The following CACNG5 variants were observed in gnomAD, a reference collection of about 807,000 sequenced individuals.
CACNG5 encodes voltage-dependent calcium channel gamma-5 subunit.
In CACNG5, 18 loss-of-function variants were observed where a neutral mutation model predicts 24.8. The observed-to-expected ratio is 0.73, with a 90% CI of 0.50 to 1.08. The LOEUF (loss-of-function observed/expected upper bound fraction) is 1.08. CACNG5 is among the 50% of genes least tolerant of loss of function. The pLI is 0.00. For missense variants in CACNG5, 349 were observed against 367.9 expected, an observed-to-expected ratio of 0.95 and a Z score of 0.42; for synonymous variants, 157 against 149.1, an observed-to-expected ratio of 1.05 and a Z score of -0.39.
Position 66,884,635 on chromosome 17 carries a change from G to A in CACNG5, c.544G>A (p.Ala182Thr), listed in dbSNP as rs187075595. The change falls in exon 5 of 6, where the codon GCC (alanine) becomes ACC (threonine). Residue 182 changes from alanine to threonine, a missense_variant. By Grantham distance (58) the Ala-to-Thr change is moderately conservative. Transcript: ENST00000533854. ...CAAGTATGGGTGGTCGTTTGCCTTC[G>A]CCGCCATCTCCTTCCTTTTAACGGA... ...NYKYGWSFAF[A>T]AISFLLTESA... is the part of the protein sequence containing the mutation. 16 of 1,614,006 alleles carry A rather than the reference G, an allele frequency of 9.9e-6. No homozygotes were observed. Among genetic ancestry groups the A allele is most frequent in the Non-Finnish European group, 1.2e-5 (14 of 1,180,030 alleles).
In CACNG5 at chr17:66,842,598, C is replaced by G. The variant is rs542621417; in HGVS notation, c.-104+7348C>G. On this transcript the variant is annotated intron_variant, in intron 1 of 5. Transcript: ENST00000533854. ...GGAACTCAAGGATGGGCCTCACAGT[C>G]TGATTTCATGAGAACCCGGAATCTG... Among the ~76,000 whole-genome samples, 5 of 152,284 alleles carry G rather than the reference C, an allele frequency of 3.3e-5. No homozygotes were observed. In the South Asian group the frequency reaches 6.2e-4, roughly 19 times the overall value.
intron 1 of CACNG5, among the ~76,000 whole-genome samples, chr17:66,866,312 T>G (rs1976929408): frequency 6.6e-6 from 1 of 152,200 alleles, no homozygotes. Flanking sequence ...TCTTGCTCTG[T>G]CGCCCAGGCT....
At chr17:66,838,201 G>C (rs1157261830) in intron 1 of CACNG5, among the ~76,000 whole-genome samples, 2 of 151,758 alleles carry the variant, frequency 1.3e-5, no homozygotes, top group Non-Finnish European at 2.9e-5. Context: ...CTGCCTGGCT[G>C]TGCCTCCCTG....
intron 1 of CACNG5, among the ~76,000 whole-genome samples, chr17:66,857,135 C>T (rs886808124): frequency 2.4e-5 from 3 of 127,368 alleles, no homozygotes. Flanking sequence ...AGGGACACTA[C>T]AGCCTCCTCC....
At position 66,887,856 on chromosome 17, in the gene CACNG5, A is replaced by C. The variant is rs1977284667; in HGVS notation, c.*2616A>C. ...TCATTACCTGTTTGGGGGTGGGTGC[A>C]TGTGTCAATAATCACATCACCATCA... On this transcript the variant is annotated 3_prime_UTR_variant, in exon 6 of 6. Coordinates refer to ENST00000533854, the MANE Select transcript of CACNG5 (RefSeq NM_145811.3). Among the ~76,000 whole-genome samples, 1 of 152,176 alleles carries C rather than the reference A, an allele frequency of 6.6e-6. No homozygotes were observed.
At chr17:66,860,346 A>G (rs1976836640) in intron 1 of CACNG5, among the ~76,000 whole-genome samples, 1 of 152,316 alleles carries the variant, frequency 6.6e-6, no homozygotes, top group East Asian at 1.9e-4. Context: ...GACACATCAT[A>G]GTCAAAATGT....
intron 1 of CACNG5, among the ~76,000 whole-genome samples, chr17:66,846,263 T>C (rs1474073921): frequency 6.6e-6 from 1 of 152,230 alleles, no homozygotes; most frequent in Non-Finnish European, 1.5e-5. Flanking sequence ...ACATAAAATC[T>C]ACCATGTTAA....
At chr17:66,843,321 G>T (rs938257142) in intron 1 of CACNG5, among the ~76,000 whole-genome samples, 10 of 152,308 alleles carry the variant, frequency 6.6e-5, no homozygotes, top group Non-Finnish European at 1.5e-4. Flanking sequence ...GAGGGGAAAA[G>T]CTTGGAAGGC....
At chr17:66,836,699 C>T (rs906830124) in intron 1 of CACNG5, among the ~76,000 whole-genome samples, 1 of 152,216 alleles carries the variant, frequency 6.6e-6, no homozygotes, top group African/African-American at 2.4e-5. Context: ...ACCTCCCCAC[C>T]CCCAAACCTC....
intron 1 of CACNG5, among the ~76,000 whole-genome samples, chr17:66,846,685 G>T (rs1430506885): frequency 3.9e-5 from 6 of 152,178 alleles, no homozygotes; most frequent in Non-Finnish European, 8.8e-5. Flanking sequence ...GGAAATTTGG[G>T]TTATTTCCGT....
intron 1 of CACNG5, among the ~76,000 whole-genome samples, chr17:66,871,272 G>T (rs1037322865): frequency 3.0e-4 from 46 of 152,262 alleles, no homozygotes; most frequent in Non-Finnish European, 5.9e-5. Flanking sequence ...AGCAGCTCTT[G>T]TCACTGGCTC....
At chr17:66,873,945 T>C (rs977039692) in intron 1 of CACNG5, among the ~76,000 whole-genome samples, 5 of 152,168 alleles carry the variant, frequency 3.3e-5, no homozygotes, top group Admixed American at 1.3e-4. Context: ...TGTTTTTTTT[T>C]TTTTTTTCCT....
At chr17:66,848,999 G>A (rs1312947459) in intron 1 of CACNG5, among the ~76,000 whole-genome samples, 3 of 152,144 alleles carry the variant, frequency 2.0e-5, no homozygotes, top group Non-Finnish European at 4.4e-5. Context: ...GGCTGCCGCC[G>A]TGTGCATTGA....
intron 1 of CACNG5, among the ~76,000 whole-genome samples, chr17:66,855,487 G>C (rs1976762639): frequency 1.3e-5 from 2 of 152,200 alleles, no homozygotes; most frequent in Non-Finnish European, 2.9e-5. Flanking sequence ...ATTTTAAAAA[G>C]AGGAATGATC....
In CACNG5 at chr17:66,892,458, T is replaced by C. The variant is rs999897183; in HGVS notation, c.*7218T>C. On this transcript the variant is annotated 3_prime_UTR_variant, in exon 6 of 6. Transcript: ENST00000533854. ...TGATAAATCCTTAGAAATGATCTCATAGTCTCGGGCTCTGACTATCAAGTT... is the reference window on the plus strand; with the variant it reads ...TGATAAATCCTTAGAAATGATCTCACAGTCTCGGGCTCTGACTATCAAGTT... Among the ~76,000 whole-genome samples the C allele has an allele frequency of 6.6e-6, 1 of 152,248 alleles. No homozygotes were observed. The highest frequency in any genetic ancestry group is 1.5e-5 in the Non-Finnish European group (1 of 68,040).
chr17:66,839,906 C>G (rs896112247), intron 1 of CACNG5, among the ~76,000 whole-genome samples: 3 of 152,166 alleles, frequency 2.0e-5, no homozygotes, highest in African/African-American at 7.2e-5. Flanking sequence ...AAGCAAGGCC[C>G]AGAAGGGTTA....
intron 1 of CACNG5, among the ~76,000 whole-genome samples, chr17:66,867,995 C>T (rs1483010908): frequency 1.3e-5 from 2 of 152,156 alleles, no homozygotes; most frequent in African/African-American, 2.4e-5. Context: ...GATATAATTG[C>T]TATTATCACT....
chr17:66,889,334 C>A lies in CACNG5; in HGVS notation c.*4094C>A, dbSNP rs9901824. On this transcript the variant is annotated 3_prime_UTR_variant, in exon 6 of 6. Coordinates refer to ENST00000533854, the MANE Select transcript of CACNG5 (RefSeq NM_145811.3). ...CCCACCAGTGACCTTCAGAAGAATCCTGTGTTACCAGGGCTGCATGCAGAG... is the reference window on the plus strand; with the variant it reads ...CCCACCAGTGACCTTCAGAAGAATCATGTGTTACCAGGGCTGCATGCAGAG... 0.54 allele frequency among the ~76,000 whole-genome samples: 82,600 copies of A among 151,886 alleles called. 23,799 individuals carry two copies. Among genetic ancestry groups the A allele is most frequent in the African/African-American group, 0.75 (31,222 of 41,428 alleles).
rs140504401 is a variant in CACNG5 at position 66,854,864 on chromosome 17, G to A, written c.-104+19614G>A. Reference sequence around the variant, plus strand: ...AAAAATGGGAAAAAGACATGAACAGGCATTTCACAGAAAAGGGAAGAGAAA... The same window carrying A: ...AAAAATGGGAAAAAGACATGAACAGACATTTCACAGAAAAGGGAAGAGAAA... On this transcript the variant is annotated intron_variant, in intron 1 of 5. Transcript: ENST00000533854. Among the ~76,000 whole-genome samples the A allele has an allele frequency of 4.3e-3, 661 of 152,140 alleles. 5 individuals are homozygous for A. The highest frequency in any genetic ancestry group is 0.015 in the African/African-American group (614 of 41,494).
Sources: allele counts gnomAD v4.1 joint callset (sites outside exome capture counted in the v4.1 genomes callset), GRCh38; gene constraint gnomAD v4.1.1; transcripts MANE v1.5; gene names NCBI Gene and HGNC (gene_info 2026-07-23, HGNC 2026-07-21).